Variants in MYO3B observed in about 807,000 individuals in gnomAD.
The protein encoded by MYO3B is myosin-IIIb.
In MYO3B, 156 loss-of-function variants were observed where a neutral mutation model predicts 174.6. The ratio of observed to expected loss-of-function variants is 0.89; its 90% CI spans 0.78 to 1.02. MYO3B has a LOEUF of 1.02. MYO3B is among the 50% of genes least tolerant of loss of function. The pLI is 0.00. For missense variants in MYO3B, 1,632 were observed against 1,639.4 expected (o/e 1.00, Z 0.08); for synonymous variants, 563 against 569.1 (o/e 0.99, Z 0.15).
chr2:170,258,240 A>T (rs975417571), intron 7 of MYO3B, among the ~76,000 whole-genome samples: 1 of 151,988 alleles, frequency 6.6e-6, no homozygotes, highest in Non-Finnish European at 1.5e-5. Context: ...CATCATTCTG[A>T]TACCAATGAG....
intron 22 of MYO3B, among the ~76,000 whole-genome samples, chr2:170,432,198 A>C (rs72876401): frequency 0.052 from 7,850 of 152,232 alleles, 267 homozygotes; most frequent in Non-Finnish European, 0.068. Flanking sequence ...GTTCTTTAGG[A>C]GGTATTCTAG....
intron 32 of MYO3B, among the ~76,000 whole-genome samples, chr2:170,605,712 T>C (rs1449046687): frequency 2.6e-5 from 4 of 151,974 alleles, no homozygotes; most frequent in African/African-American, 9.7e-5. Context: ...CAAAAAAAAT[T>C]AGCCAGGCTT....
intron 7 of MYO3B, among the ~76,000 whole-genome samples, chr2:170,318,110 T>C (rs1160461671): frequency 1.3e-5 from 2 of 152,230 alleles, no homozygotes; most frequent in Admixed American, 1.3e-4. Flanking sequence ...ATTTTGAGGA[T>C]TGAATGAAAT....
chr2:170,406,461 A>G (rs1211766339), intron 21 of MYO3B, among the ~76,000 whole-genome samples: 2 of 152,234 alleles, frequency 1.3e-5, no homozygotes, highest in Admixed American at 6.5e-5. Context: ...TTCTCTCCAC[A>G]TAGTACTTTA....
chr2:170,196,214 A>G (rs1237436604), intron 1 of MYO3B, among the ~76,000 whole-genome samples: 1 of 152,156 alleles, frequency 6.6e-6, no homozygotes, highest in Non-Finnish European at 1.5e-5. Flanking sequence ...TCCTTTTAAG[A>G]GCCTAGTATT....
chr2:170,219,449 G>T (rs1242725648), intron 6 of MYO3B, among the ~76,000 whole-genome samples: 1 of 152,138 alleles, frequency 6.6e-6, no homozygotes, highest in African/African-American at 2.4e-5. Flanking sequence ...TTTGAGACCA[G>T]CCTGTCCAAC....
At position 170,466,716 on chromosome 2, in the gene MYO3B, G is replaced by T; in HGVS notation, c.3014+5G>T. 6.2e-7 allele frequency: 1 copy of T among 1,613,724 alleles called. No individual in the cohort carries two copies. The highest frequency in any genetic ancestry group is 1.1e-5 in the South Asian group (1 of 91,006). On this transcript the variant is annotated splice_donor_5th_base_variant and intron_variant, in intron 25 of 34. Coordinates refer to ENST00000408978, the MANE Select transcript of MYO3B (RefSeq NM_138995.5). ...TTTTGAAGAATTTGTGAAAAGGTCA[G>T]ACCGTCATCTACGGGAATGCATTCT... is the stretch of plus-strand genomic sequence containing the variant.
chr2:170,320,239 T>G (rs6738853), intron 7 of MYO3B, among the ~76,000 whole-genome samples: 131,213 of 152,156 alleles, frequency 0.86, 57,762 homozygotes, highest in Non-Finnish European at 0.95. Flanking sequence ...TGGAGACAAG[T>G]TCTCACTGTG....
intron 32 of MYO3B, among the ~76,000 whole-genome samples, chr2:170,566,424 C>T (rs578229972): frequency 1.9e-4 from 29 of 152,076 alleles, no homozygotes; most frequent in Non-Finnish European, 2.1e-4. Context: ...ACCATGTAGG[C>T]AATAATGTTA....
At chr2:170,551,391 G>C (rs996644902) in intron 32 of MYO3B, among the ~76,000 whole-genome samples, 15 of 27,646 alleles carry the variant, frequency 5.4e-4, no homozygotes, top group African/African-American at 1.8e-3. Context: ...TTTATTTTTA[G>C]GTGGAGTCTT....
At chr2:170,328,360 C>T (rs919203957) in intron 7 of MYO3B, among the ~76,000 whole-genome samples, 15 of 152,240 alleles carry the variant, frequency 9.9e-5, no homozygotes, top group African/African-American at 3.4e-4. Flanking sequence ...CTCAAGGTCA[C>T]TATTTACAGT....
At chr2:170,445,196 A>C (rs1428678066) in intron 23 of MYO3B, among the ~76,000 whole-genome samples, 1 of 152,220 alleles carries the variant, frequency 6.6e-6, no homozygotes, top group Non-Finnish European at 1.5e-5. Context: ...ATAAAACAGT[A>C]TGTCAATTGC....
At chr2:170,636,306 T>C (rs939368567) in intron 32 of MYO3B, among the ~76,000 whole-genome samples, 7 of 152,148 alleles carry the variant, frequency 4.6e-5, no homozygotes, top group African/African-American at 1.7e-4. Context: ...ACAGAGCACT[T>C]TGAAGATAAC....
intron 22 of MYO3B, among the ~76,000 whole-genome samples, chr2:170,415,827 T>A (rs997599167): frequency 3.9e-5 from 6 of 152,188 alleles, no homozygotes; most frequent in Non-Finnish European, 8.8e-5. Flanking sequence ...GTATTTCTCA[T>A]GTCTTCTGCA....
chr2:170,383,302 C>T (rs1036034152), intron 11 of MYO3B, 113 bp downstream of exon 11: 38 of 683,248 alleles, frequency 5.6e-5, no homozygotes, highest in Non-Finnish European at 2.6e-5. Flanking sequence ...GATGTATATA[C>T]TCCAAACTGC....
At chr2:170,499,415 C>T (rs1047612113) in intron 26 of MYO3B, among the ~76,000 whole-genome samples, 2 of 152,156 alleles carry the variant, frequency 1.3e-5, no homozygotes, top group African/African-American at 4.8e-5. Context: ...TTTGGAATCG[C>T]TTAAACCCTG....
intron 7 of MYO3B, among the ~76,000 whole-genome samples, chr2:170,290,285 C>G (rs1378633218): frequency 1.3e-5 from 2 of 152,026 alleles, no homozygotes; most frequent in African/African-American, 2.4e-5. Flanking sequence ...TGCTAAAGTT[C>G]CCTACCATTA....
intron 32 of MYO3B, chr2:170,601,865 T>C (rs1694530648): frequency 1.1e-6 from 1 of 875,434 alleles, no homozygotes; most frequent in Non-Finnish European, 1.9e-6. Context: ...ACATCGCTAA[T>C]AGGCAGGCCA....
At chr2:170,513,788 T>C (rs989567020) in intron 28 of MYO3B, among the ~76,000 whole-genome samples, 4 of 152,132 alleles carry the variant, frequency 2.6e-5, no homozygotes, top group African/African-American at 9.7e-5. Context: ...TTTGGCCACT[T>C]GAAAGGATTG....
Sources: gnomAD v4.1 joint callset for allele counts (sites outside exome capture counted in the v4.1 genomes callset) on GRCh38, gnomAD v4.1.1 for gene constraint, MANE v1.5 for transcripts, NCBI Gene and HGNC (gene_info 2026-07-23, HGNC 2026-07-21) for gene names.